PIBF1: variants seen among roughly 807,000 people sequenced by gnomAD.
PIBF1 encodes progesterone immunomodulatory binding factor 1.
A neutral mutation model predicts 112.5 loss-of-function variants in PIBF1; 90 were observed. The ratio of observed to expected loss-of-function variants is 0.80; its 90% CI spans 0.67 to 0.95. PIBF1 has a LOEUF of 0.95. PIBF1 is among the 40% of genes least tolerant of loss of function. PIBF1 has a pLI of 0.00. For synonymous variants in PIBF1, 301 were observed against 288.6 expected, an observed-to-expected ratio of 1.04 and a Z score of -0.44; for missense variants, 915 against 852.3, an observed-to-expected ratio of 1.07 and a Z score of -0.92.
At chr13:72,987,858 A>ATTTATTTATTTTTTTTTTTTT (rs1345167411) in intron 16 of PIBF1, among the ~76,000 whole-genome samples, 2 of 58,118 alleles carry the variant, frequency 3.4e-5, no homozygotes, top group Non-Finnish European at 5.6e-5. Context: ...TTATTTATTT[A>ATTTATTTATTTTTTTTTTTTT]TTTTTTTTTT....
At chr13:72,908,958 A>T (rs1432150219) in intron 12 of PIBF1, among the ~76,000 whole-genome samples, 1 of 152,078 alleles carries the variant, frequency 6.6e-6, no homozygotes. Flanking sequence ...GAGGCAGGAG[A>T]ATTGCTTGAA....
At chr13:72,977,994 G>A (rs1014411281) in intron 16 of PIBF1, among the ~76,000 whole-genome samples, 15 of 152,182 alleles carry the variant, frequency 9.9e-5, no homozygotes, top group East Asian at 1.9e-4. Context: ...AAATATATTA[G>A]GTTAAAGGAT....
At chr13:72,915,835 G>C (rs768522420) in intron 12 of PIBF1, among the ~76,000 whole-genome samples, 29 of 151,914 alleles carry the variant, frequency 1.9e-4, no homozygotes, top group Non-Finnish European at 3.4e-4. Context: ...ACTACAGAAG[G>C]GCCAATCAAC....
At chr13:72,800,224 T>G (rs950370789) in intron 5 of PIBF1, among the ~76,000 whole-genome samples, 6 of 152,278 alleles carry the variant, frequency 3.9e-5, no homozygotes, top group African/African-American at 1.4e-4. Flanking sequence ...TTAGTAGAGA[T>G]AGAATTTCGC....
intron 9 of PIBF1, among the ~76,000 whole-genome samples, chr13:72,846,023 CTA>C (rs1476525691): frequency 6.6e-6 from 1 of 152,154 alleles, no homozygotes; most frequent in South Asian, 2.1e-4. Flanking sequence ...GTGTCACACA[CTA>C]TTAAATTTTT....
At chr13:72,829,493 A>G (rs969348853) in intron 8 of PIBF1, among the ~76,000 whole-genome samples, 1 of 152,232 alleles carries the variant, frequency 6.6e-6, no homozygotes, top group African/African-American at 2.4e-5. Context: ...AGTTTTCTGC[A>G]TATGGCTACC....
rs1367800593 is a variant in PIBF1 at position 72,821,932 on chromosome 13, G to A, written c.756G>A (p.Gln252=). ...CCTTAGAATTAGCAGACACAAAACA[G>A]TTAATTCAGCAAGGTGACTACCGTC... is the stretch of plus-strand genomic sequence containing the variant. ...RLALELADTK[Q]LIQQGDYRQE... The change falls in exon 6 of 18, where the codon CAG becomes CAA. Residue 252 remains glutamine, a synonymous_variant. Transcript: ENST00000326291. The A allele has an allele frequency of 6.2e-7, 1 of 1,612,804 alleles. No individual in the cohort carries two copies. Among genetic ancestry groups the A allele is most frequent in the Non-Finnish European group, 8.5e-7 (1 of 1,179,338 alleles).
chr13:72,978,401 A>G (rs2043076899), intron 16 of PIBF1, among the ~76,000 whole-genome samples: 1 of 152,230 alleles, frequency 6.6e-6, no homozygotes, highest in Admixed American at 6.5e-5. Context: ...AGTCAAAACT[A>G]AAAGTAATTC....
chr13:72,964,313 G>T (rs1286312948), intron 14 of PIBF1, among the ~76,000 whole-genome samples: 1 of 152,156 alleles, frequency 6.6e-6, no homozygotes, highest in Non-Finnish European at 1.5e-5. Context: ...TAAGATACAG[G>T]TTTCTAGGGC....
At chr13:72,894,097 C>T in intron 11 of PIBF1, 148 bp downstream of exon 11, 1 of 435,254 alleles carries the variant, frequency 2.3e-6, no homozygotes, top group East Asian at 3.7e-5. Flanking sequence ...ATACGTATTT[C>T]AGAAAGATGT....
chr13:72,903,867 C>T (rs936756356), intron 11 of PIBF1, among the ~76,000 whole-genome samples: 2 of 152,132 alleles, frequency 1.3e-5, no homozygotes, highest in African/African-American at 4.8e-5. Flanking sequence ...ACTCACCACT[C>T]TCTGGATAAA....
rs899348300 is a variant in PIBF1, at chr13:72,818,555, T to C, written c.673-3294T>C. Among the ~76,000 whole-genome samples the C allele has an allele frequency of 3.3e-5, 5 of 152,244 alleles. No individual in the cohort carries two copies. The South Asian group carries it at 6.2e-4, about 19-fold the overall frequency. On this transcript the variant is annotated intron_variant, in intron 5 of 17. Coordinates refer to ENST00000326291, the MANE Select transcript of PIBF1 (RefSeq NM_006346.4). ...AACATCTTATTTCCTATATTTTTTA[T>C]GTTTTACCATTGTCTGCTTTCAACT...
chr13:72,965,730 G>A (rs920375709), intron 15 of PIBF1, among the ~76,000 whole-genome samples: 5 of 150,842 alleles, frequency 3.3e-5, no homozygotes, highest in African/African-American at 1.2e-4. Flanking sequence ...CAGAGGGAGA[G>A]GAGGAATAAA....
At chr13:72,787,007 G>GTT (rs2034634158) in intron 2 of PIBF1, among the ~76,000 whole-genome samples, 1 of 152,252 alleles carries the variant, frequency 6.6e-6, no homozygotes, top group South Asian at 2.1e-4. Context: ...TTTTAGAGAT[G>GTT]TTAAAATGTG....
chr13:72,837,605 T>C (rs181122430), intron 9 of PIBF1, among the ~76,000 whole-genome samples: 9 of 152,268 alleles, frequency 5.9e-5, no homozygotes, highest in African/African-American at 2.2e-4. Context: ...TACAGAAATG[T>C]CCTTGAGACT....
At chr13:72,916,264 C>T (rs1341981205) in intron 12 of PIBF1, among the ~76,000 whole-genome samples, 1 of 151,820 alleles carries the variant, frequency 6.6e-6, no homozygotes, top group Non-Finnish European at 1.5e-5. Flanking sequence ...TGGTGGTGGG[C>T]ACCTGCAATC....
At chr13:72,873,570 T>G (rs1473103937) in intron 10 of PIBF1, among the ~76,000 whole-genome samples, 1 of 151,946 alleles carries the variant, frequency 6.6e-6, no homozygotes, top group African/African-American at 2.4e-5. Context: ...GCCCGGCTAA[T>G]TTTGTATTTT....
intron 15 of PIBF1, among the ~76,000 whole-genome samples, chr13:72,968,438 T>C (rs2042805474): frequency 6.6e-6 from 1 of 151,490 alleles, no homozygotes; most frequent in Admixed American, 6.6e-5. Flanking sequence ...GTAGCTGGGA[T>C]AACAAGCACC....
intron 8 of PIBF1, among the ~76,000 whole-genome samples, chr13:72,830,809 T>G (rs971023430): frequency 2.0e-5 from 3 of 151,998 alleles, no homozygotes; most frequent in African/African-American, 7.2e-5. Flanking sequence ...AGGGAGGACC[T>G]CTTTTTCTGT....
Sources: allele counts gnomAD v4.1 joint callset (sites outside exome capture counted in the v4.1 genomes callset), GRCh38; gene constraint gnomAD v4.1.1; transcripts MANE v1.5; gene names NCBI Gene and HGNC (gene_info 2026-07-23, HGNC 2026-07-21).